Variants in PPP2R2B observed in about 807,000 individuals in gnomAD.
The protein encoded by PPP2R2B is protein phosphatase 2 regulatory subunit Bbeta.
PPP2R2B carries 5 observed loss-of-function variants against 46.0 expected under a neutral mutation model. That is an observed-to-expected ratio of 0.11 (90% confidence interval 0.06 to 0.23). The LOEUF is 0.23. Ranked by LOEUF, PPP2R2B falls within the 10% of genes least tolerant of loss-of-function variation. The probability of loss-of-function intolerance (pLI) is 1.00; values close to 1 mark genes in which losing one functional copy is unlikely to be tolerated. For missense variants in PPP2R2B, 367 were observed against 575.0 expected (o/e 0.64, Z 3.70); for synonymous variants, 215 against 206.7 (o/e 1.04, Z -0.34).
At chr5:146,670,438 G>C (rs1777268287) in intron 5 of PPP2R2B, among the ~76,000 whole-genome samples, 1 of 149,794 alleles carries the variant, frequency 6.7e-6, no homozygotes, top group Non-Finnish European at 1.5e-5. Flanking sequence ...AGTCCTTTTA[G>C]TACCCCTTCA....
intron 7 of PPP2R2B, among the ~76,000 whole-genome samples, chr5:146,634,727 C>T (rs1430302460): frequency 6.6e-6 from 1 of 151,788 alleles, no homozygotes. Context: ...CCTTCATAAC[C>T]ATGTGATCTC....
intron 1 of PPP2R2B, among the ~76,000 whole-genome samples, chr5:147,054,162 T>A (rs1209503065): frequency 6.6e-6 from 1 of 152,192 alleles, no homozygotes; most frequent in Admixed American, 6.5e-5. Flanking sequence ...TTCTATATGA[T>A]ATAGAATGTT....
chr5:146,992,405 A>G (rs986035258), intron 1 of PPP2R2B, among the ~76,000 whole-genome samples: 3 of 152,214 alleles, frequency 2.0e-5, no homozygotes, highest in African/African-American at 7.2e-5. Flanking sequence ...GGCTTCTGTA[A>G]TACCTGATGC....
intron 8 of PPP2R2B, among the ~76,000 whole-genome samples, chr5:146,597,795 T>C (rs541749586): frequency 6.6e-6 from 1 of 152,336 alleles, no homozygotes; most frequent in African/African-American, 2.4e-5. Context: ...AACACCTACA[T>C]GTTCCCATCA....
chr5:146,881,108 C>G (rs2151422436), upstream of PPP2R2B, among the ~76,000 whole-genome samples: 1 of 152,248 alleles, frequency 6.6e-6, no homozygotes, highest in East Asian at 1.9e-4. Context: ...CTGCAGAGAT[C>G]AGTCTTCAAA....
At chr5:146,928,796 C>T (rs1172920474) in intron 1 of PPP2R2B, among the ~76,000 whole-genome samples, 1 of 152,124 alleles carries the variant, frequency 6.6e-6, no homozygotes. Context: ...TGGTGGCTTC[C>T]CATTTTGCTT....
chr5:146,991,236 A>C (rs945722005), intron 1 of PPP2R2B, among the ~76,000 whole-genome samples: 1 of 152,192 alleles, frequency 6.6e-6, no homozygotes, highest in Admixed American at 6.5e-5. Flanking sequence ...TATACAAAGG[A>C]AATGAAATCA....
At chr5:146,769,293 T>C (rs1754691732) in intron 2 of PPP2R2B, among the ~76,000 whole-genome samples, 1 of 152,200 alleles carries the variant, frequency 6.6e-6, no homozygotes, top group South Asian at 2.1e-4. Flanking sequence ...TTGTTAGGAA[T>C]GCAAGTTCTC....
At chr5:146,787,964 T>C (rs1322305276) in intron 2 of PPP2R2B, among the ~76,000 whole-genome samples, 1 of 152,158 alleles carries the variant, frequency 6.6e-6, no homozygotes, top group African/African-American at 2.4e-5. Flanking sequence ...TTTCTCTGTC[T>C]CTCTACTATA....
At chr5:146,885,345 G>A (rs948773467) in intron 1 of PPP2R2B, among the ~76,000 whole-genome samples, 4 of 152,202 alleles carry the variant, frequency 2.6e-5, no homozygotes, top group Non-Finnish European at 5.9e-5. Context: ...GTGTGTGTGT[G>A]TGTCTATTGC....
At chr5:147,029,972 G>T (rs966928948) in intron 1 of PPP2R2B, among the ~76,000 whole-genome samples, 3 of 152,176 alleles carry the variant, frequency 2.0e-5, no homozygotes, top group African/African-American at 7.2e-5. Flanking sequence ...AATTGTGTTG[G>T]CTGGCTTTTT....
upstream of PPP2R2B, among the ~76,000 whole-genome samples, chr5:147,056,852 G>C (rs1187699247): frequency 1.3e-5 from 2 of 152,182 alleles, no homozygotes; most frequent in African/African-American, 4.8e-5. Context: ...CAGGGCTTCA[G>C]TTTGGGGTTT....
chr5:147,053,115 A>C (rs1302170120), intron 1 of PPP2R2B, among the ~76,000 whole-genome samples: 1 of 151,952 alleles, frequency 6.6e-6, no homozygotes, highest in African/African-American at 2.4e-5. Context: ...TATATTTTTA[A>C]ATGAGGAAAC....
At chr5:146,902,386 A>G (rs921133235) in intron 1 of PPP2R2B, among the ~76,000 whole-genome samples, 3 of 152,188 alleles carry the variant, frequency 2.0e-5, no homozygotes, top group East Asian at 1.9e-4. Flanking sequence ...TCAAGCTTTT[A>G]TTACGACTCA....
intron 2 of PPP2R2B, among the ~76,000 whole-genome samples, chr5:146,741,378 T>G (rs975198484): frequency 3.3e-5 from 5 of 152,150 alleles, no homozygotes; most frequent in African/African-American, 1.2e-4. Flanking sequence ...ACTTATAATC[T>G]GAAGTTGGAC....
chr5:146,593,201 T>G, intron 8 of PPP2R2B, 139 bp from the exon 9 acceptor site: 1 of 752,400 alleles, frequency 1.3e-6, no homozygotes, highest in Admixed American at 2.1e-5. Context: ...GATCTGAACC[T>G]AGGCTTGGCC....
intron 6 of PPP2R2B, 61 bp from the exon 7 acceptor site, chr5:146,638,476 G>A: frequency 6.9e-7 from 1 of 1,452,836 alleles, no homozygotes; most frequent in Non-Finnish European, 9.4e-7. Context: ...GGGAAGGGGA[G>A]AATTAGCAAT....
intron 2 of PPP2R2B, among the ~76,000 whole-genome samples, chr5:146,736,702 A>C (rs1752560275): frequency 6.6e-6 from 1 of 152,210 alleles, no homozygotes; most frequent in Non-Finnish European, 1.5e-5. Context: ...AAAGTGAATG[A>C]GAATGTTCTG....
intron 2 of PPP2R2B, among the ~76,000 whole-genome samples, chr5:146,739,489 G>A (rs148381123): frequency 1.3e-5 from 2 of 152,218 alleles, no homozygotes; most frequent in East Asian, 3.9e-4. Flanking sequence ...CATAGAACAT[G>A]GTACATTTGG....
Sources: allele counts gnomAD v4.1 joint callset (sites outside exome capture counted in the v4.1 genomes callset), GRCh38; gene constraint gnomAD v4.1.1; transcripts MANE v1.5; gene names NCBI Gene and HGNC (gene_info 2026-07-23, HGNC 2026-07-21).